Variants in SCHIP1 observed in about 807,000 individuals in gnomAD.
SCHIP1 encodes schwannomin-interacting protein 1.
SCHIP1 carries 8 observed loss-of-function variants against 29.7 expected under a neutral mutation model. The ratio of observed to expected loss-of-function variants is 0.27; its 90% CI spans 0.16 to 0.49. The LOEUF (loss-of-function observed/expected upper bound fraction) is 0.49, where lower values mean the gene tolerates loss of function less well. Ranked by LOEUF, SCHIP1 falls within the 20% of genes least tolerant of loss-of-function variation. The probability of loss-of-function intolerance (pLI) is 0.99; values close to 1 mark genes in which losing one functional copy is unlikely to be tolerated. For synonymous variants in SCHIP1, 76 were observed against 94.9 expected (o/e 0.80, Z 1.16); for missense variants, 193 against 294.6 (o/e 0.66, Z 2.52).
the SCHIP1 span, among the ~76,000 whole-genome samples, chr3:159,809,082 A>G: frequency 1.3e-5 from 2 of 149,432 alleles, no homozygotes; most frequent in Admixed American, 6.7e-5. Context: ...GCTTTTCTGC[A>G]TCCATCAACT....
the SCHIP1 span, among the ~76,000 whole-genome samples, chr3:159,641,868 A>C: frequency 2.6e-5 from 4 of 152,162 alleles, no homozygotes; most frequent in East Asian, 7.7e-4. Flanking sequence ...ACATTAAAGC[A>C]GAAGAAGGAA....
chr3:159,493,867 G>T, the SCHIP1 span, among the ~76,000 whole-genome samples: 1 of 152,058 alleles, frequency 6.6e-6, no homozygotes, highest in Non-Finnish European at 1.5e-5. Context: ...GCACTCCTCA[G>T]CAAATGTAAA....
the SCHIP1 span, among the ~76,000 whole-genome samples, chr3:159,746,035 TG>T: frequency 6.6e-6 from 1 of 152,190 alleles, no homozygotes; most frequent in Non-Finnish European, 1.5e-5. Context: ...GAAATAAGAT[TG>T]CCATGGGGTG....
chr3:159,596,403 G>T, the SCHIP1 span, among the ~76,000 whole-genome samples: 1 of 152,064 alleles, frequency 6.6e-6, no homozygotes, highest in African/African-American at 2.4e-5. Context: ...ATTCCTCAAG[G>T]TTCTAGAACT....
At chr3:159,402,963 T>C in the SCHIP1 span, among the ~76,000 whole-genome samples, 4 of 151,600 alleles carry the variant, frequency 2.6e-5, no homozygotes, top group African/African-American at 9.7e-5. Context: ...AAAAGAAATA[T>C]CTCCCCCGTA....
chr3:159,387,295 A>G, the SCHIP1 span: 1 of 281,342 alleles, frequency 3.6e-6, no homozygotes, highest in Admixed American at 4.2e-5. Context: ...TTCATCCTTG[A>G]GGGATGCCCC....
At chr3:159,792,172 C>G in the SCHIP1 span, among the ~76,000 whole-genome samples, 1 of 152,012 alleles carries the variant, frequency 6.6e-6, no homozygotes, top group Non-Finnish European at 1.5e-5. Context: ...CTGATAGTGC[C>G]CTCCTTGTAT....
chr3:159,803,744 A>G, the SCHIP1 span, among the ~76,000 whole-genome samples: 4 of 152,312 alleles, frequency 2.6e-5, no homozygotes, highest in African/African-American at 9.6e-5. Context: ...ATGTTTAGGG[A>G]CCTGGCTACT....
At chr3:159,360,830 C>T in the SCHIP1 span, among the ~76,000 whole-genome samples, 5 of 152,040 alleles carry the variant, frequency 3.3e-5, no homozygotes, top group African/African-American at 1.2e-4. Context: ...GTTTTTAAAT[C>T]AGGCTATGGT....
the SCHIP1 span, among the ~76,000 whole-genome samples, chr3:159,647,645 A>G: frequency 6.6e-6 from 1 of 152,164 alleles, no homozygotes; most frequent in Non-Finnish European, 1.5e-5. Flanking sequence ...CAAAGCCATT[A>G]TCGCTAATAT....
At chr3:159,311,334 C>G in the SCHIP1 span, among the ~76,000 whole-genome samples, 1 of 152,016 alleles carries the variant, frequency 6.6e-6, no homozygotes, top group Non-Finnish European at 1.5e-5. Context: ...TATTTTGCAT[C>G]AGTTTGAAAT....
chr3:159,860,299 A>G lies in SCHIP1; in HGVS notation c.31-5864A>G, dbSNP rs116606475. ...CCAGTGTAAAAGACAGAGAAAGAGC[A>G]GTCAAGTCCTGTGAGGCTTCTTAAC... On this transcript the variant is annotated intron_variant, in intron 1 of 6. Coordinates refer to ENST00000445224, the Ensembl canonical transcript of SCHIP1. Among the ~76,000 whole-genome samples, 851 of 152,364 alleles carry G rather than the reference A, an allele frequency of 5.6e-3. 11 individuals are homozygous for G. The highest frequency in any genetic ancestry group is 0.019 in the African/African-American group (785 of 41,582).
the SCHIP1 span, among the ~76,000 whole-genome samples, chr3:159,621,016 A>G: frequency 4.3e-3 from 654 of 152,328 alleles, 9 homozygotes; most frequent in African/African-American, 0.015. Context: ...CATGCCTTTT[A>G]TAAGTAAGCA....
the SCHIP1 span, among the ~76,000 whole-genome samples, chr3:159,369,306 A>G: frequency 6.6e-6 from 1 of 152,188 alleles, no homozygotes. Context: ...TTTTCAATAA[A>G]ATAATAACAT....
chr3:159,277,506 A>G, the SCHIP1 span, among the ~76,000 whole-genome samples: 1 of 152,040 alleles, frequency 6.6e-6, no homozygotes, highest in Non-Finnish European at 1.5e-5. Flanking sequence ...TGAATGGAAT[A>G]ATAATTTGGA....
the SCHIP1 span, among the ~76,000 whole-genome samples, chr3:159,800,966 G>GT: frequency 0.23 from 33,103 of 144,524 alleles, 4,007 homozygotes; most frequent in East Asian, 0.44. Flanking sequence ...AACTAAGTCT[G>GT]TTTTTTTTTT....
the SCHIP1 span, among the ~76,000 whole-genome samples, chr3:159,645,403 G>A: frequency 1.5e-4 from 23 of 152,224 alleles, no homozygotes; most frequent in Non-Finnish European, 3.1e-4. Flanking sequence ...GTAGAATCTT[G>A]CCTTATATCC....
chr3:159,774,602 A>G, the SCHIP1 span, among the ~76,000 whole-genome samples: 1 of 152,190 alleles, frequency 6.6e-6, no homozygotes, highest in South Asian at 2.1e-4. Flanking sequence ...CGTAAAGTGT[A>G]GGTAGTTCAA....
At chr3:159,609,725 C>A in the SCHIP1 span, among the ~76,000 whole-genome samples, 1 of 152,090 alleles carries the variant, frequency 6.6e-6, no homozygotes, top group African/African-American at 2.4e-5. Context: ...CCCTACGAGC[C>A]CTGGACGACT....
Sources: gnomAD v4.1 joint callset for allele counts (sites outside exome capture counted in the v4.1 genomes callset) on GRCh38, gnomAD v4.1.1 for gene constraint, MANE v1.5 for transcripts, NCBI Gene and HGNC (gene_info 2026-07-23, HGNC 2026-07-21) for gene names.